The following ZNF608 variants were observed in gnomAD, a reference collection of about 807,000 sequenced individuals.
ZNF608 encodes the protein renal carcinoma antigen NY-REN-36.
Under a neutral mutation model 109.0 loss-of-function variants are expected in ZNF608, and 12 were observed. The ratio of observed to expected loss-of-function variants is 0.11; its 90% confidence interval spans 0.07 to 0.18. The LOEUF (loss-of-function observed/expected upper bound fraction) is 0.18, where lower values mean the gene tolerates loss of function less well. Ranked by LOEUF, ZNF608 falls within the 10% of genes least tolerant of loss-of-function variation. ZNF608 has a pLI of 1.00. For synonymous variants in ZNF608, 732 were observed against 717.4 expected (o/e 1.02, Z -0.33); for missense variants, 1,707 against 1,879.3 (o/e 0.91, Z 1.70).
intron 2 of ZNF608, among the ~76,000 whole-genome samples, chr5:124,712,631 A>G (rs973371656): frequency 6.6e-6 from 1 of 152,258 alleles, no homozygotes; most frequent in African/African-American, 2.4e-5. Flanking sequence ...CTGGTGTCCA[A>G]TGACACCAAT....
intron 2 of ZNF608, among the ~76,000 whole-genome samples, chr5:124,721,069 C>G (rs988282725): frequency 1.3e-5 from 2 of 152,100 alleles, no homozygotes; most frequent in Non-Finnish European, 2.9e-5. Context: ...GTTTGTTATT[C>G]TGAGAGCATG....
chr5:124,640,686 A>G (rs1045001148), intron 8 of ZNF608, among the ~76,000 whole-genome samples: 11 of 152,252 alleles, frequency 7.2e-5, no homozygotes, highest in African/African-American at 2.7e-4. Context: ...ATGAACTACA[A>G]GGTGAAGATT....
Position 124,647,045 on chromosome 5 carries a change from C to T in ZNF608, c.3339G>A (p.Arg1113=), listed in dbSNP as rs759979865. Residue 1113 remains arginine, a synonymous_variant, in exon 5 of 10, where the codon AGG becomes AGA. Transcript: ENST00000513986. The stretch of plus-strand genomic sequence containing the variant: ...TCTGGGCCATTTTCTGCTCTGCCAG[C>T]CTCTGGTCCTCATAGTACTTCTCAT... ...QQYEKYYEDQ[R]LAEQKMAQTG... 3 of 1,613,800 alleles carry T rather than the reference C, an allele frequency of 1.9e-6. No homozygotes were observed. The highest frequency in any genetic ancestry group is 2.2e-5 in the South Asian group (2 of 91,056).
intron 3 of ZNF608, among the ~76,000 whole-genome samples, chr5:124,694,539 A>G (rs1293841679): frequency 6.6e-6 from 1 of 152,018 alleles, no homozygotes; most frequent in Non-Finnish European, 1.5e-5. Context: ...CTCTGTTGAC[A>G]ACGGTGACGA....
intron 3 of ZNF608, among the ~76,000 whole-genome samples, chr5:124,679,801 A>G (rs1752119183): frequency 6.6e-6 from 1 of 152,228 alleles, no homozygotes; most frequent in Non-Finnish European, 1.5e-5. Context: ...AGAACATAGC[A>G]GTGTACCTTG....
intron 3 of ZNF608, among the ~76,000 whole-genome samples, chr5:124,656,799 A>AC (rs1751029094): frequency 1.6e-5 from 2 of 123,920 alleles, no homozygotes; most frequent in Admixed American, 1.6e-4. Context: ...ATAAGCCCTA[A>AC]ACACACACAC....
chr5:124,701,892 GATAA>G (rs1468906594), intron 2 of ZNF608, among the ~76,000 whole-genome samples: 1 of 152,192 alleles, frequency 6.6e-6, no homozygotes, highest in Non-Finnish European at 1.5e-5. Flanking sequence ...TAAGGGGGGA[GATAA>G]ATGCATGTGC....
Position 124,641,269 on chromosome 5 carries a change from T to G in ZNF608, c.4433A>C (p.Gln1478Pro). ...CTGCTGACCTTGAAAAGGGTCATAT[T>G]GACCCGGGATTAGCGGGTAACCCAT... Reference protein sequence around the residue: ...VGMGYPLIPGQYDPFQGLTSA... With the variant: ...VGMGYPLIPGPYDPFQGLTSA... Residue 1478 changes from glutamine to proline, a missense_variant, in exon 8 of 10, where the codon CAA (glutamine) becomes CCA (proline). Gln to Pro is a moderately conservative substitution (Grantham distance 76). This residue lies in a region of ZNF608 where 1,073 missense variants were observed against 1,133.5 expected (regional missense o/e 0.95). Coordinates refer to ENST00000513986, the MANE Select transcript of ZNF608 (RefSeq NM_020747.3). 6.2e-7 allele frequency: 1 copy of G among 1,613,794 alleles called. No individual in the cohort carries two copies. Among genetic ancestry groups the G allele is most frequent in the South Asian group, 1.1e-5 (1 of 91,062 alleles).
In ZNF608 at chr5:124,647,786, A is replaced by T. The variant is rs1283974411; in HGVS notation, c.2598T>A (p.Asn866Lys). 3 of 1,613,988 alleles carry T rather than the reference A, an allele frequency of 1.9e-6. No individual in the cohort carries two copies. Among genetic ancestry groups the T allele is most frequent in the Non-Finnish European group, 2.5e-6 (3 of 1,179,978 alleles). Reference protein sequence around the residue: ...DHLNKNEGLANGLSESQESRM... With the variant: ...DHLNKNEGLAKGLSESQESRM... Reference sequence around the variant, plus strand: ...GGCTCTCCTGAGACTCCGACAGTCCATTTGCCAGCCCTTCATTCTTGTTGA... The same window carrying T: ...GGCTCTCCTGAGACTCCGACAGTCCTTTTGCCAGCCCTTCATTCTTGTTGA... Residue 866 changes from asparagine to lysine, a missense_variant, in exon 5 of 10, where the codon AAT becomes AAA. Asn to Lys is a moderately conservative substitution (Grantham distance 94). Transcript: ENST00000513986.
chr5:124,645,291 T>C (rs563560560), intron 5 of ZNF608, among the ~76,000 whole-genome samples: 7 of 152,314 alleles, frequency 4.6e-5, no homozygotes, highest in African/African-American at 1.4e-4. Flanking sequence ...GCTTCTCTAT[T>C]GGAAAACAAA....
rs1280152507 is a variant in ZNF608, at chr5:124,744,612, C to A, written c.378G>T (p.Gly126=). Residue 126 remains glycine, a synonymous_variant, in exon 2 of 10, where the codon GGG becomes GGT. Coordinates refer to ENST00000513986, the MANE Select transcript of ZNF608 (RefSeq NM_020747.3). This position sits in a 1 kb window ranked among gnomAD's most constrained non-coding sequence, Gnocchi z 4.5. ...TGCCAGTGCTGCTGATCTCGGGAAT[C>A]CCATACAAGGCAGCAGAAGGCAGAG... ...NKSLPSAALY[G]IPEISSTGKR... 5.1e-5 allele frequency: 83 copies of A among 1,614,118 alleles called. No individual in the cohort carries two copies. The highest frequency in any genetic ancestry group is 6.9e-5 in the Non-Finnish European group (81 of 1,180,058).
chr5:124,681,674 G>A (rs1580612004), intron 3 of ZNF608, among the ~76,000 whole-genome samples: 1 of 152,174 alleles, frequency 6.6e-6, no homozygotes, highest in East Asian at 1.9e-4. Flanking sequence ...CCTTGAGCCT[G>A]GGAATTTGTG....
In ZNF608 at chr5:124,639,296, C is replaced by T. The variant is rs561282858; in HGVS notation, c.4451-82G>A. 55 of 1,174,460 alleles carry T rather than the reference C, an allele frequency of 4.7e-5. No homozygotes were observed. The African/African-American group carries it at 8.3e-4, about 18-fold the overall frequency. 72.8% of individuals were successfully genotyped at this position (1,174,460 alleles called of 1,614,324 possible). On this transcript the variant is annotated intron_variant, in intron 8 of 9. Transcript: ENST00000513986. ...AGGCCCAGTGGAGAAGGGCCGCAGA[C>T]CTAGTAGCAGCATGGTGTCCTCTCC...
At chr5:124,716,142 C>CAAAAAAAAAAA (rs1232356378) in intron 2 of ZNF608, among the ~76,000 whole-genome samples, 6 of 73,958 alleles carry the variant, frequency 8.1e-5, no homozygotes, top group Non-Finnish European at 1.1e-4. Context: ...GAATCCGTCT[C>CAAAAAAAAAAA]AAAAAAAAAA....
rs528552240 is a variant in ZNF608, at chr5:124,745,189, A to G, written c.-183-17T>C. ...CACCTTTTCCTGTGAAGGGGGGGGG[A>G]AAAGTCGAATATTTCTTGTCTGGGT... On this transcript the variant is annotated splice_polypyrimidine_tract_variant and intron_variant, in intron 1 of 9. Coordinates refer to ENST00000513986, the MANE Select transcript of ZNF608 (RefSeq NM_020747.3). The G allele has an allele frequency of 8.7e-4, 1,208 of 1,393,652 alleles. 1 individual carries two copies. The highest frequency in any genetic ancestry group is 3.2e-3 in the South Asian group (181 of 56,868). The allele number at this position is 1,393,652 out of a possible 1,614,324, so 86.3% of individuals were successfully genotyped here.
intron 2 of ZNF608, among the ~76,000 whole-genome samples, chr5:124,739,527 T>C (rs74551203): frequency 6.6e-6 from 1 of 152,186 alleles, no homozygotes; most frequent in Non-Finnish European, 1.5e-5. Flanking sequence ...ACTGACTAAA[T>C]AGTCAGATCT....
intron 8 of ZNF608, 92 bp downstream of exon 8, chr5:124,641,160 A>G: frequency 6.5e-7 from 1 of 1,542,488 alleles, no homozygotes; most frequent in Non-Finnish European, 8.9e-7. Context: ...TGTGAACTCA[A>G]AGCTCAATAT....
chr5:124,671,692 A>G (rs1214335336), intron 3 of ZNF608, among the ~76,000 whole-genome samples: 5 of 144,848 alleles, frequency 3.5e-5, no homozygotes, highest in Non-Finnish European at 4.5e-5. Context: ...GTGCAGTGGC[A>G]GGATGACATC....
At position 124,701,181 on chromosome 5, in the gene ZNF608, G is replaced by C; in HGVS notation, c.995C>G (p.Ser332Cys). 6.2e-7 allele frequency: 1 copy of C among 1,614,172 alleles called. No individual in the cohort carries two copies. Residue 332 changes from serine (S) to cysteine (C), a missense_variant, in exon 3 of 10, where the codon TCT (serine) becomes TGT (cysteine). Ser to Cys is a moderately radical substitution (Grantham distance 112, BLOSUM62 -1). This residue lies in a region of ZNF608 where 407 missense variants were observed against 398.7 expected (regional missense o/e 1.02). Coordinates refer to ENST00000513986, the MANE Select transcript of ZNF608 (RefSeq NM_020747.3). ...AACCGGTGCTGCAATATTGGATGAAGATGGGGAAAAGTAGGAGGGTAGAAT... is the reference window on the plus strand; with the variant it reads ...AACCGGTGCTGCAATATTGGATGAACATGGGGAAAAGTAGGAGGGTAGAAT... ...PQILPSYFSP[S>C]SSNIAAPVEQ...
Sources: allele counts gnomAD v4.1 joint callset (sites outside exome capture counted in the v4.1 genomes callset), GRCh38; gene constraint gnomAD v4.1.1; regional missense constraint gnomAD v4.1.1; non-coding constraint Gnocchi (gnomAD v3.1); transcripts MANE v1.5; gene names NCBI Gene and HGNC (gene_info 2026-07-23, HGNC 2026-07-21).